CDKN3: variants seen among roughly 807,000 people sequenced by gnomAD.
The protein encoded by CDKN3 is cyclin dependent kinase inhibitor 3.
Under a neutral mutation model 36.1 loss-of-function variants are expected in CDKN3, and 19 were observed. The observed-to-expected ratio is 0.53, with a 90% confidence interval of 0.37 to 0.77. The LOEUF (loss-of-function observed/expected upper bound fraction) is 0.77. Among genes scored for constraint, CDKN3 ranks in the 30% least tolerant of loss-of-function variants. CDKN3 has a pLI of 0.00. For synonymous variants in CDKN3, 71 were observed against 85.3 expected (o/e 0.83, Z 0.92); for missense variants, 188 against 248.6 (o/e 0.76, Z 1.64).
At chr14:54,412,893 T>C (rs771707526) in intron 5 of CDKN3, 1 of 516,580 alleles carries the variant, frequency 1.9e-6, no homozygotes, top group Non-Finnish European at 3.9e-6. Flanking sequence ...CTTAAGGACA[T>C]TGCTTTGAGC....
intron 5 of CDKN3, among the ~76,000 whole-genome samples, chr14:54,414,823 A>G (rs1318296065): frequency 6.7e-6 from 1 of 148,524 alleles, no homozygotes; most frequent in Admixed American, 6.9e-5. Context: ...TGCTGGGATT[A>G]TAGGCCTGAG....
chr14:54,408,572 C>T (rs2030241658), intron 3 of CDKN3, 173 bp from the exon 4 acceptor site: 1 of 756,554 alleles, frequency 1.3e-6, no homozygotes, highest in African/African-American at 1.9e-5. Context: ...GGATGAATCC[C>T]TGTAATTATA....
At chr14:54,412,558 T>A (rs955690498) in intron 5 of CDKN3, among the ~76,000 whole-genome samples, 2 of 152,026 alleles carry the variant, frequency 1.3e-5, no homozygotes, top group Non-Finnish European at 1.5e-5. Context: ...CACAAGCTGC[T>A]GGTGTGAAAG....
chr14:54,417,796 C>A (rs1251972176), intron 6 of CDKN3, 52 bp from the exon 7 acceptor site: 4 of 974,938 alleles, frequency 4.1e-6, no homozygotes, highest in African/African-American at 3.2e-5. Flanking sequence ...AAATGCTGTA[C>A]CCTGTCACTA....
At chr14:54,400,008 A>G (rs754448204) in intron 2 of CDKN3, 32 bp downstream of exon 2, 2 of 951,460 alleles carry the variant, frequency 2.1e-6, no homozygotes, top group Non-Finnish European at 1.7e-6. Context: ...ATGATGAGCT[A>G]AAATCACAAT....
intron 3 of CDKN3, among the ~76,000 whole-genome samples, chr14:54,405,885 G>A (rs1051330839): frequency 6.6e-6 from 1 of 152,200 alleles, no homozygotes; most frequent in Non-Finnish European, 1.5e-5. Context: ...TCATTATGAT[G>A]CTAGCTGGTT....
At chr14:54,411,294 A>C (rs2030344692) in intron 4 of CDKN3, 190 bp from the exon 5 acceptor site, 1 of 522,114 alleles carries the variant, frequency 1.9e-6, no homozygotes, top group African/African-American at 1.9e-5. Flanking sequence ...AGGCATTTTG[A>C]CTTGTAATAT....
At chr14:54,402,111 G>A (rs996783891) in intron 3 of CDKN3, among the ~76,000 whole-genome samples, 20 of 151,878 alleles carry the variant, frequency 1.3e-4, no homozygotes, top group African/African-American at 4.4e-4. Context: ...GGGAGGCTGA[G>A]GTAGGAGAAT....
intron 4 of CDKN3, among the ~76,000 whole-genome samples, chr14:54,410,278 T>C (rs2030305808): frequency 6.6e-6 from 1 of 152,152 alleles, no homozygotes; most frequent in African/African-American, 2.4e-5. Flanking sequence ...TCTCAGAAAG[T>C]TGGAAAATCA....
rs770296816 is a variant in CDKN3, at chr14:54,420,038, TATC to T, written c.604_606del (p.Ser202del). On this transcript the variant is annotated inframe_deletion, in exon 8 of 8. Coordinates refer to ENST00000335183, the MANE Select transcript of CDKN3 (RefSeq NM_005192.4). ...TTTCGGGACAAATTAGCTGCACATCTATCATCAAGAGATTCACAATCAAGATCT... is the reference window on the plus strand; with the variant it reads ...TTTCGGGACAAATTAGCTGCACATCTATCAAGAGATTCACAATCAAGATCT... The T allele has an allele frequency of 4.3e-6, 7 of 1,609,212 alleles. No individual in the cohort carries two copies. The highest frequency in any genetic ancestry group is 2.2e-5 in the East Asian group (1 of 44,718).
intron 3 of CDKN3, among the ~76,000 whole-genome samples, chr14:54,403,043 TG>T (rs567716047): frequency 8.4e-4 from 128 of 151,886 alleles, no homozygotes; most frequent in Non-Finnish European, 1.7e-3. Context: ...GCTCTTTTTT[TG>T]TTCCATATGA....
chr14:54,411,600 C>T lies in CDKN3; in HGVS notation c.310C>T (p.His104Tyr). 1.9e-6 allele frequency: 3 copies of T among 1,613,834 alleles called. No individual in the cohort carries two copies. The highest frequency in any genetic ancestry group is 1.7e-6 in the Non-Finnish European group (2 of 1,179,744). Residue 104 changes from histidine to tyrosine, a missense_variant, in exon 5 of 8, where the codon CAT becomes TAT. Transcript: ENST00000335183. ...DLYQQCGIIT[H>Y]HHPIADGGTP... ...CTACCAGCAATGTGGAATTATCACCCATCATCATCCAATCGCAGATGGAGG... is the reference window on the plus strand; with the variant it reads ...CTACCAGCAATGTGGAATTATCACCTATCATCATCCAATCGCAGATGGAGG...
At position 54,399,958 on chromosome 14, in the gene CDKN3, C is replaced by A; in HGVS notation, c.74C>A (p.Thr25Asn). The part of the protein sequence containing the change: ...SDEEPIEDEQ[T>N]PIHISWLSLS... ...GAAGAGCCTATTGAAGATGAACAGA[C>A]TCCAATTCATATATCATGGTATGTT... The change falls in exon 2 of 8, where the codon ACT becomes AAT. Residue 25 changes from threonine to asparagine, a missense_variant. Transcript: ENST00000335183. 6.6e-7 allele frequency: 1 copy of A among 1,506,920 alleles called. No homozygotes were observed. The highest frequency in any genetic ancestry group is 9.2e-7 in the Non-Finnish European group (1 of 1,082,544). The allele number at this position is 1,506,920 out of a possible 1,614,324, so 93.3% of individuals were successfully genotyped here. A position where few individuals can be genotyped will look rare whatever the true frequency, so the allele number is the denominator to read the frequency against.
chr14:54,402,307 T>TGC (rs1566704224), intron 3 of CDKN3, among the ~76,000 whole-genome samples: 2 of 91,966 alleles, frequency 2.2e-5, no homozygotes, highest in African/African-American at 3.8e-5. Context: ...GGCATGTGTG[T>TGC]GCGTGTGTGT....
chr14:54,408,879 T>C, intron 4 of CDKN3, 90 bp downstream of exon 4: 1 of 1,453,218 alleles, frequency 6.9e-7, no homozygotes, highest in South Asian at 1.5e-5. Context: ...ATCAGTTTTT[T>C]TTTAATATAA....
intron 3 of CDKN3, among the ~76,000 whole-genome samples, chr14:54,406,381 G>A (rs1233337403): frequency 2.0e-5 from 3 of 151,962 alleles, no homozygotes; most frequent in Non-Finnish European, 2.9e-5. Flanking sequence ...TTTGAATGTT[G>A]GCCTGTCTTT....
rs770731920 is a variant in CDKN3, at chr14:54,420,039, A to G, written c.600A>G (p.Leu200=). 2.5e-6 allele frequency: 4 copies of G among 1,609,338 alleles called. No homozygotes were observed. Among genetic ancestry groups the G allele is most frequent in the East Asian group, 2.2e-5 (1 of 44,712 alleles). Residue 200 remains leucine, a synonymous_variant, in exon 8 of 8, where the codon CTA becomes CTG. Transcript: ENST00000335183. ...TTCGGGACAAATTAGCTGCACATCT[A>G]TCATCAAGAGATTCACAATCAAGAT... ...HEFRDKLAAH[L]SSRDSQSRSV...
intron 7 of CDKN3, 187 bp downstream of exon 7, chr14:54,418,138 T>C (rs942223067): frequency 1.4e-6 from 1 of 707,574 alleles, no homozygotes; most frequent in African/African-American, 1.8e-5. Flanking sequence ...GTAAATATAA[T>C]CCAGGTAGTC....
intron 3 of CDKN3, 42 bp downstream of exon 3, chr14:54,401,621 T>TA: frequency 7.7e-7 from 1 of 1,306,932 alleles, no homozygotes; most frequent in Non-Finnish European, 1.1e-6. Flanking sequence ...TATGTATATA[T>TA]TTTTTAATAT....
Sources: allele counts gnomAD v4.1 joint callset (sites outside exome capture counted in the v4.1 genomes callset), GRCh38; gene constraint gnomAD v4.1.1; transcripts MANE v1.5; gene names NCBI Gene and HGNC (gene_info 2026-07-23, HGNC 2026-07-21).